Variants in C1orf167 observed in about 807,000 individuals in gnomAD.
C1orf167 encodes the protein chromosome 1 open reading frame 167.
C1orf167 carries 153 observed loss-of-function variants against 176.5 expected under a neutral mutation model. The ratio of observed to expected loss-of-function variants is 0.87; its 90% CI spans 0.76 to 0.99. The LOEUF (loss-of-function observed/expected upper bound fraction) is 0.99. Among genes scored for constraint, C1orf167 ranks in the 50% least tolerant of loss-of-function variants. The pLI, the probability that C1orf167 is intolerant of heterozygous loss-of-function variation, is 0.00. For missense variants in C1orf167, 1,490 were observed against 1,817.7 expected, an observed-to-expected ratio of 0.82 and a Z score of 3.28; for synonymous variants, 594 against 752.7, an observed-to-expected ratio of 0.79 and a Z score of 3.45.
Position 11,785,282 on chromosome 1 carries a change from C to T in C1orf167, c.3560C>T (p.Ala1187Val). 1 of 1,286,212 alleles carries T rather than the reference C, an allele frequency of 7.8e-7. No individual in the cohort carries two copies. 79.7% of individuals were successfully genotyped at this position (1,286,212 alleles called of 1,614,324 possible). ...AGGGTGCGGCTGGGACTGCCAGGGGCCGGCAAGGTACGCCCCAAGCCCCAG... is the reference window on the plus strand; with the variant it reads ...AGGGTGCGGCTGGGACTGCCAGGGGTCGGCAAGGTACGCCCCAAGCCCCAG... ...QLRVRLGLPG[A>V]GKTRSCWTQA... is the part of the protein sequence containing the mutation. Residue 1187 changes from alanine to valine, a missense_variant, in exon 16 of 21, where the codon GCC becomes GTC. Transcript: ENST00000688073.
At chr1:11,765,826 C>G in intron 2 of C1orf167, 31 bp from the exon 3 acceptor site, 1 of 1,182,944 alleles carries the variant, frequency 8.5e-7, no homozygotes, top group Non-Finnish European at 1.1e-6. Flanking sequence ...GTGCCAGCCA[C>G]CCAAGTCATG....
chr1:11,788,121 T>C, intron 18 of C1orf167, 28 bp from the exon 19 acceptor site: 1 of 1,276,864 alleles, frequency 7.8e-7, no homozygotes, highest in Middle Eastern at 2.2e-4. Context: ...GCCTGAGCCA[T>C]GGCTACAGCT....
In C1orf167 at chr1:11,779,023, C is replaced by T. The variant is rs1483223079; in HGVS notation, c.2594C>T (p.Ala865Val). The change falls in exon 12 of 21, where the codon GCA (alanine) becomes GTA (valine). Residue 865 changes from alanine (A) to valine (V), a missense_variant. Ala to Val is a moderately conservative substitution (Grantham distance 64). Coordinates refer to ENST00000688073, the MANE Select transcript of C1orf167 (RefSeq NM_001010881.2). ...GGGCAGTGCCTTCTGCTCTGGCAGG[C>T]ACGGGCCCAGCAGTTCCAGGGCACA... ...QQGQCLLLWQ[A>V]RAQQFQGTAR... 3 of 1,296,582 alleles carry T rather than the reference C, an allele frequency of 2.3e-6. No homozygotes were observed. The highest frequency in any genetic ancestry group is 3.0e-5 in the African/African-American group (2 of 65,708). 80.3% of individuals were successfully genotyped at this position (1,296,582 alleles called of 1,614,324 possible).
intron 16 of C1orf167, 61 bp from the exon 17 acceptor site, chr1:11,787,327 C>G (rs188514323): frequency 1.8e-6 from 2 of 1,088,392 alleles, no homozygotes; most frequent in South Asian, 1.6e-5. Context: ...GAAATCCCAG[C>G]GGGGCCCCAG....
chr1:11,782,991 C>T (rs1213630873), intron 14 of C1orf167, among the ~76,000 whole-genome samples: 2 of 151,086 alleles, frequency 1.3e-5, no homozygotes, highest in Non-Finnish European at 2.9e-5. Context: ...TGAGGAGTTA[C>T]AGCAAGGAGA....
rs563918700 is a variant in C1orf167 at position 11,773,885 on chromosome 1, T to A, written c.1989-1550T>A. ...CCATGTATGGCAGTTGGTTGATAAG[T>A]CATTCAAGTCTTTTTATTTTTAATT... On this transcript the variant is annotated intron_variant, in intron 8 of 20. Coordinates refer to ENST00000688073, the MANE Select transcript of C1orf167 (RefSeq NM_001010881.2). Among the ~76,000 whole-genome samples, 14 of 144,828 alleles carry A rather than the reference T, an allele frequency of 9.7e-5. No homozygotes were observed. In the East Asian group the frequency reaches 2.3e-3, roughly 24 times the overall value.
chr1:11,788,484 C>T (rs1373446795), intron 19 of C1orf167, 106 bp downstream of exon 19: 2 of 1,161,604 alleles, frequency 1.7e-6, no homozygotes, highest in Admixed American at 2.5e-5. Context: ...ACTCCAAAAC[C>T]TTGGGGGACA....
At chr1:11,770,810 AT>A (rs58293655) in intron 6 of C1orf167, among the ~76,000 whole-genome samples, 81,634 of 140,414 alleles carry the variant, frequency 0.58, 24,014 homozygotes, top group East Asian at 0.78. Flanking sequence ...ACAGTTGGGT[AT>A]TTTTTTTTTT....
rs925805272 is a variant in C1orf167 at position 11,765,784 on chromosome 1, G to A, written c.71-73G>A. On this transcript the variant is annotated intron_variant, in intron 2 of 20. Transcript: ENST00000688073. The stretch of plus-strand genomic sequence containing the variant: ...GGGGCCCTGTCCCCTCCCTGGCTCC[G>A]AGGCCTGGAGAGCTTCGCCTGTCCC... The A allele has an allele frequency of 1.2e-5, 14 of 1,156,394 alleles. No homozygotes were observed. The African/African-American group carries it at 1.3e-4, about 11-fold the overall frequency. The allele number at this position is 1,156,394 out of a possible 1,614,324, so 71.6% of individuals were successfully genotyped here. A position where few individuals can be genotyped will look rare whatever the true frequency, so the allele number is the denominator to read the frequency against.
chr1:11,765,446 G>C (rs1168400052), intron 2 of C1orf167, among the ~76,000 whole-genome samples: 2 of 151,950 alleles, frequency 1.3e-5, no homozygotes, highest in Admixed American at 6.6e-5. Flanking sequence ...CCACCTCTTT[G>C]CTCAAGCCAG....
Position 11,784,465 on chromosome 1 carries a change from G to C in C1orf167, c.3297G>C (p.Gln1099His), listed in dbSNP as rs1282038255. Residue 1099 changes from glutamine (Q) to histidine (H), a missense_variant, in exon 15 of 21, where the codon CAG becomes CAC. Coordinates refer to ENST00000688073, the MANE Select transcript of C1orf167 (RefSeq NM_001010881.2). ...PVAPGMHHEA[Q>H]QQAGESAGAQ... ...CCCCGGGCATGCACCATGAGGCCCA[G>C]CAGCAGGCAGGAGAGAGCGCTGGGG... is the stretch of plus-strand genomic sequence containing the variant. 85 of 1,303,462 alleles carry C rather than the reference G, an allele frequency of 6.5e-5. 1 individual carries two copies. The East Asian group carries it at 9.4e-4, about 14-fold the overall frequency. The allele number at this position is 1,303,462 out of a possible 1,614,324, so 80.7% of individuals were successfully genotyped here. A position where few individuals can be genotyped will look rare whatever the true frequency, so the allele number is the denominator to read the frequency against.
In C1orf167 at chr1:11,766,969, G is replaced by A. The variant is rs1438550017; in HGVS notation, c.1183G>A (p.Gly395Arg). The A allele has an allele frequency of 7.4e-6, 9 of 1,208,556 alleles. No homozygotes were observed. Among genetic ancestry groups the A allele is most frequent in the Non-Finnish European group, 5.3e-6 (5 of 949,964 alleles). 74.9% of individuals were successfully genotyped at this position (1,208,556 alleles called of 1,614,324 possible). A position where few individuals can be genotyped will look rare whatever the true frequency, so the allele number is the denominator to read the frequency against. The change falls in exon 3 of 21, where the codon GGA (glycine) becomes AGA (arginine). Residue 395 changes from glycine to arginine, a missense_variant. Gly to Arg is a moderately radical substitution (Grantham distance 125). Coordinates refer to ENST00000688073, the MANE Select transcript of C1orf167 (RefSeq NM_001010881.2). The surrounding 1 kb of genome is among the most constrained non-coding windows in gnomAD (Gnocchi z 4.5). ...CSSAFSNTAW[G>R]VSPKQKGEEG... Reference sequence around the variant, plus strand: ...CTCAGCCTTCTCCAACACAGCCTGGGGAGTCTCACCCAAGCAGAAAGGAGA... The same window carrying A: ...CTCAGCCTTCTCCAACACAGCCTGGAGAGTCTCACCCAAGCAGAAAGGAGA...
intron 14 of C1orf167, among the ~76,000 whole-genome samples, chr1:11,782,808 G>T (rs1249525359): frequency 6.6e-5 from 10 of 151,628 alleles, no homozygotes; most frequent in Admixed American, 3.3e-4. Context: ...TGTAGTCCCA[G>T]CTACTTGGGC....
chr1:11,765,781 TCC>T, intron 2 of C1orf167, 74 bp from the exon 3 acceptor site: 3 of 1,155,768 alleles, frequency 2.6e-6, no homozygotes, highest in South Asian at 3.3e-5. Context: ...CCTCCCTGGC[TCC>T]GAGGCCTGGA....
At chr1:11,763,343 G>A (rs2100213140) in intron 1 of C1orf167, among the ~76,000 whole-genome samples, 1 of 152,126 alleles carries the variant, frequency 6.6e-6, no homozygotes, top group African/African-American at 2.4e-5. Context: ...TAGAGGCTGA[G>A]GTGGGAGGAT....
chr1:11,767,112 G>C (rs1482242759), intron 3 of C1orf167, 27 bp downstream of exon 3: 4 of 1,260,670 alleles, frequency 3.2e-6, no homozygotes, highest in South Asian at 2.6e-5. Context: ...GCTGGAGGTG[G>C]GGTAGGGGGT....
chr1:11,780,999 CTTTTT>C (rs386366239), intron 13 of C1orf167, among the ~76,000 whole-genome samples: 21 of 92,784 alleles, frequency 2.3e-4, no homozygotes, highest in African/African-American at 8.7e-4. Flanking sequence ...CCCAACCAGT[CTTTTT>C]TTTTTTTTTT....
At position 11,778,632 on chromosome 1, in the gene C1orf167, G is replaced by A; in HGVS notation, c.2340-28G>A. 3.1e-6 allele frequency: 4 copies of A among 1,275,702 alleles called. No homozygotes were observed. The South Asian group carries it at 3.9e-5, about 12-fold the overall frequency. The allele number at this position is 1,275,702 out of a possible 1,614,324, so 79.0% of individuals were successfully genotyped here. A position where few individuals can be genotyped will look rare whatever the true frequency, so the allele number is the denominator to read the frequency against. ...CTGCACAGCCTGAGGGTGAGGCTGG[G>A]TGGGTCACTCACCTGCCCCTTCTCT... On this transcript the variant is annotated intron_variant, in intron 10 of 20. Transcript: ENST00000688073.
chr1:11,772,682 G>A (rs571925065), intron 8 of C1orf167, among the ~76,000 whole-genome samples: 6 of 152,166 alleles, frequency 3.9e-5, no homozygotes, highest in African/African-American at 1.4e-4. Flanking sequence ...CGCCCCACTG[G>A]CTGGGATTTG....
Sources: allele counts gnomAD v4.1 joint callset (sites outside exome capture counted in the v4.1 genomes callset), GRCh38; gene constraint gnomAD v4.1.1; non-coding constraint Gnocchi (gnomAD v3.1); transcripts MANE v1.5; gene names NCBI Gene and HGNC (gene_info 2026-07-23, HGNC 2026-07-21).